Variants in IL1RAPL1 observed in about 807,000 individuals in gnomAD.
The protein encoded by IL1RAPL1 is interleukin-1 receptor accessory protein-like 1.
Under a neutral mutation model 48.4 loss-of-function variants are expected in IL1RAPL1, and 3 were observed. The observed-to-expected ratio is 0.06, with a 90% CI of 0.03 to 0.16. The LOEUF is 0.16. Ranked by LOEUF, IL1RAPL1 falls within the 10% of genes least tolerant of loss-of-function variation. IL1RAPL1 has a pLI of 1.00. For synonymous variants in IL1RAPL1, 185 were observed against 187.7 expected (o/e 0.99, Z 0.12); for missense variants, 349 against 530.6 (o/e 0.66, Z 3.36).
intron 2 of IL1RAPL1, among the ~76,000 whole-genome samples, chrX:28,951,273 A>G (rs1412573950): frequency 9.1e-6 from 1 of 110,188 alleles, no homozygotes; most frequent in African/African-American, 3.3e-5. Context: ...AAAGTATAAA[A>G]AAAAATGTTC....
At chrX:29,918,283 G>A (rs1460511913) in intron 7 of IL1RAPL1, among the ~76,000 whole-genome samples, 2 of 93,797 alleles carry the variant, frequency 2.1e-5, no homozygotes, top group African/African-American at 7.9e-5. Context: ...GAGGTGGGCG[G>A]ATCACCTGAG....
intron 5 of IL1RAPL1, among the ~76,000 whole-genome samples, chrX:29,404,932 G>C: frequency 9.0e-6 from 1 of 111,039 alleles, no homozygotes; most frequent in South Asian, 3.8e-4. Context: ...GTTTTGTTTT[G>C]AGACGGAGTC....
At chrX:28,910,286 G>T (rs982758212) in intron 2 of IL1RAPL1, among the ~76,000 whole-genome samples, 1 of 111,236 alleles carries the variant, frequency 9.0e-6, no homozygotes, top group African/African-American at 3.3e-5. Context: ...AACCCAACCT[G>T]ATTCCTTGTT....
Position 29,480,277 on chromosome X carries a change from TAC to T in IL1RAPL1, c.703+80977_703+80978del, listed in dbSNP as rs201773433. 7.0e-3 allele frequency among the ~76,000 whole-genome samples: 561 copies of T among 80,547 alleles called. 12 individuals are homozygous for T. The highest frequency in any genetic ancestry group is 0.025 in the African/African-American group (487 of 19,572). The allele number at this position is 80,547 out of a possible 115,157, so 69.9% of individuals were successfully genotyped here. On this transcript the variant is annotated intron_variant, in intron 5 of 10. Coordinates refer to ENST00000378993, the MANE Select transcript of IL1RAPL1 (RefSeq NM_014271.4). Reference sequence around the variant, plus strand: ...TATTAATTGAAGCATGATATATGTATACACACACATATACATATATATATATA... The same window carrying T: ...TATTAATTGAAGCATGATATATGTATACACACATATACATATATATATATA...
At chrX:29,803,259 A>G (rs1266427965) in intron 6 of IL1RAPL1, among the ~76,000 whole-genome samples, 8 of 34,166 alleles carry the variant, frequency 2.3e-4, no homozygotes, top group African/African-American at 1.0e-3. Flanking sequence ...ATATACACAC[A>G]TGTATATATG....
chrX:29,907,329 T>C (rs1367881085), intron 6 of IL1RAPL1, among the ~76,000 whole-genome samples: 1 of 108,486 alleles, frequency 9.2e-6, no homozygotes, highest in Non-Finnish European at 1.9e-5. Flanking sequence ...TAATTATAAA[T>C]TTAAATCTTT....
intron 3 of IL1RAPL1, among the ~76,000 whole-genome samples, chrX:29,314,144 A>G (rs1208242049): frequency 1.8e-5 from 2 of 112,016 alleles, no homozygotes; most frequent in Non-Finnish European, 3.8e-5. Context: ...TGAGTTTATT[A>G]CTTAGTGCAG....
chrX:29,451,163 TTTA>T (rs1205773514), intron 5 of IL1RAPL1, among the ~76,000 whole-genome samples: 1 of 109,912 alleles, frequency 9.1e-6, no homozygotes, highest in African/African-American at 3.3e-5. Context: ...TCTATTCTTT[TTTA>T]TTATTTTTAT....
chrX:28,588,253 T>C (rs1933870924), intron 1 of IL1RAPL1, among the ~76,000 whole-genome samples: 1 of 108,819 alleles, frequency 9.2e-6, no homozygotes. Flanking sequence ...TGTGTATGTG[T>C]GTGTGCGTGT....
chrX:29,628,269 A>C (rs759993311), intron 5 of IL1RAPL1, among the ~76,000 whole-genome samples: 15 of 112,123 alleles, frequency 1.3e-4, no homozygotes. Flanking sequence ...TCATTGTTAT[A>C]ATTTACACTT....
chrX:29,295,111 G>T (rs1932430473), intron 3 of IL1RAPL1, among the ~76,000 whole-genome samples: 1 of 111,592 alleles, frequency 9.0e-6, no homozygotes, highest in African/African-American at 3.3e-5. Flanking sequence ...AAATAAAACA[G>T]ATTCAAGGTC....
intron 5 of IL1RAPL1, among the ~76,000 whole-genome samples, chrX:29,645,740 C>T (rs148533541): frequency 0.13 from 14,416 of 111,139 alleles, 963 homozygotes; most frequent in African/African-American, 0.25. Flanking sequence ...TCAGTGGCCA[C>T]GGGCTTTAGG....
At chrX:29,494,658 C>T (rs1249525683) in intron 5 of IL1RAPL1, among the ~76,000 whole-genome samples, 4 of 111,816 alleles carry the variant, frequency 3.6e-5, no homozygotes, top group Non-Finnish European at 7.5e-5. Context: ...CTAACTAATG[C>T]CTTCAGGAAA....
intron 3 of IL1RAPL1, among the ~76,000 whole-genome samples, chrX:29,359,336 A>G (rs1353935473): frequency 9.0e-6 from 1 of 111,663 alleles, no homozygotes; most frequent in Non-Finnish European, 1.9e-5. Flanking sequence ...CACCCTTCCC[A>G]AAAATACAAC....
intron 2 of IL1RAPL1, among the ~76,000 whole-genome samples, chrX:29,047,359 T>G (rs935827024): frequency 1.2e-4 from 13 of 112,042 alleles, no homozygotes; most frequent in African/African-American, 3.9e-4. Flanking sequence ...TACAGATTTT[T>G]AGGTATTCAC....
intron 6 of IL1RAPL1, among the ~76,000 whole-genome samples, chrX:29,795,648 C>T (rs1252058786): frequency 8.9e-6 from 1 of 112,875 alleles, no homozygotes; most frequent in African/African-American, 3.2e-5. Flanking sequence ...TGGACTCAAG[C>T]GATCCACCTG....
At chrX:29,201,925 C>T (rs910185468) in intron 2 of IL1RAPL1, among the ~76,000 whole-genome samples, 3 of 112,079 alleles carry the variant, frequency 2.7e-5, no homozygotes, top group Admixed American at 9.4e-5. Flanking sequence ...GAACTCCTGA[C>T]CTCAGGTGAT....
intron 5 of IL1RAPL1, among the ~76,000 whole-genome samples, chrX:29,667,742 A>C (rs760571242): frequency 5.3e-5 from 6 of 112,452 alleles, no homozygotes; most frequent in Non-Finnish European, 7.5e-5. Context: ...CAGAGCAGAA[A>C]TGTGTAGAAG....
At chrX:29,099,504 C>G (rs867797576) in intron 2 of IL1RAPL1, among the ~76,000 whole-genome samples, 74 of 112,026 alleles carry the variant, frequency 6.6e-4, no homozygotes, top group African/African-American at 2.3e-3. Flanking sequence ...TTACAACTTT[C>G]ATTTTCAGAA....
Sources: allele counts gnomAD v4.1 joint callset (sites outside exome capture counted in the v4.1 genomes callset), GRCh38; gene constraint gnomAD v4.1.1; transcripts MANE v1.5; gene names NCBI Gene and HGNC (gene_info 2026-07-23, HGNC 2026-07-21).